Variants in ACTR3B observed in about 807,000 individuals in gnomAD.
The protein encoded by ACTR3B is actin-related protein 3B.
In ACTR3B, 8 loss-of-function variants were observed where a neutral mutation model predicts 59.0. That is an observed-to-expected ratio of 0.14 (90% CI 0.08 to 0.24). The LOEUF (loss-of-function observed/expected upper bound fraction) is 0.24, where lower values mean the gene tolerates loss of function less well. ACTR3B is among the 10% of genes least tolerant of loss of function. The pLI is 1.00. For missense variants in ACTR3B, 245 were observed against 552.3 expected (o/e 0.44, Z 5.58); for synonymous variants, 148 against 197.9 (o/e 0.75, Z 2.12).
chr7:152,824,855 C>T lies in ACTR3B; in HGVS notation c.859-175C>T, dbSNP rs983732290. Among the ~76,000 whole-genome samples the T allele has an allele frequency of 3.3e-5, 5 of 152,196 alleles. No homozygotes were observed. The highest frequency in any genetic ancestry group is 7.3e-5 in the Non-Finnish European group (5 of 68,028). On this transcript the variant is annotated intron_variant, in intron 8 of 11. Coordinates refer to ENST00000256001, the MANE Select transcript of ACTR3B (RefSeq NM_020445.6). This position sits in a 1 kb window ranked among gnomAD's most constrained non-coding sequence, Gnocchi z 4.2. ...CCTCATGAGGAGAAATGTGTCATCA[C>T]CGCTCCACGCACTTGTAGTCACATG...
intron 9 of ACTR3B, among the ~76,000 whole-genome samples, chr7:152,832,071 C>T (rs1442041392): frequency 6.6e-6 from 1 of 152,090 alleles, no homozygotes; most frequent in African/African-American, 2.4e-5. Context: ...CACGCGGAGG[C>T]AGGACAGTGC....
At position 152,854,373 on chromosome 7, in the gene ACTR3B, G is replaced by C; in HGVS notation, c.1162-85G>C. ...GAGGGAGGGTGGAGGCCGGGATGAG[G>C]AGAGTGTCTTGCCTGCTTGGTAGCT... On this transcript the variant is annotated intron_variant, in intron 11 of 11. Transcript: ENST00000256001. This position sits in a 1 kb window ranked among gnomAD's most constrained non-coding sequence, Gnocchi z 4.9. 8.0e-7 allele frequency: 1 copy of C among 1,244,906 alleles called. No homozygotes were observed. The highest frequency in any genetic ancestry group is 1.2e-6 in the Non-Finnish European group (1 of 846,974). 77.1% of individuals were successfully genotyped at this position (1,244,906 alleles called of 1,614,324 possible).
chr7:152,849,384 C>T (rs977379677), intron 9 of ACTR3B, among the ~76,000 whole-genome samples: 1 of 152,160 alleles, frequency 6.6e-6, no homozygotes, highest in African/African-American at 2.4e-5. Flanking sequence ...TGAAGGGTGG[C>T]CTCAGAACCG....
chr7:152,852,022 C>T (rs6944646), intron 9 of ACTR3B, 104 bp from the exon 10 acceptor site: 886,724 of 1,477,688 alleles, frequency 0.6, 270,704 homozygotes, highest in Admixed American at 0.7. Flanking sequence ...GCCGATGTGT[C>T]GTGCCCACAA....
At chr7:152,788,767 T>C (rs2098183433) in intron 2 of ACTR3B, among the ~76,000 whole-genome samples, 1 of 152,120 alleles carries the variant, frequency 6.6e-6, no homozygotes, top group East Asian at 1.9e-4. Context: ...ACACCTGTAA[T>C]TCCAGCATTT....
intron 2 of ACTR3B, among the ~76,000 whole-genome samples, chr7:152,789,023 A>AAACAACAACAACAAC (rs71182042): frequency 3.4e-5 from 5 of 146,442 alleles, no homozygotes; most frequent in African/African-American, 1.3e-4. Context: ...CGCTGTCTCA[A>AAACAACAACAACAAC]AACAACAACA....
At chr7:152,834,444 G>A (rs184338771) in intron 9 of ACTR3B, among the ~76,000 whole-genome samples, 110 of 152,324 alleles carry the variant, frequency 7.2e-4, no homozygotes, top group African/African-American at 2.5e-3. Context: ...GTGAGCCACC[G>A]CGCCCGGTTG....
chr7:152,792,335 G>T (rs190795754), intron 2 of ACTR3B, among the ~76,000 whole-genome samples: 5,199 of 152,114 alleles, frequency 0.034, 131 homozygotes, highest in Non-Finnish European at 0.054. Context: ...CCATATTTTT[G>T]CTCTTTCCAT....
chr7:152,810,969 C>G (rs192384463), intron 4 of ACTR3B: 1 of 151,256 alleles, frequency 6.6e-6, no homozygotes. Context: ...AAAATGTATA[C>G]GGAATGGAGA....
At chr7:152,827,486 T>G (rs527282149) in intron 9 of ACTR3B, among the ~76,000 whole-genome samples, 2 of 151,340 alleles carry the variant, frequency 1.3e-5, no homozygotes, top group African/African-American at 4.9e-5. Flanking sequence ...TAAGTTAGAG[T>G]AGACCAGAAT....
In ACTR3B at chr7:152,783,696, A is replaced by G. The variant is rs867679712; in HGVS notation, c.100+454A>G. Among the ~76,000 whole-genome samples, 89 of 147,702 alleles carry G rather than the reference A, an allele frequency of 6.0e-4. 1 individual carries two copies. Among genetic ancestry groups the G allele is most frequent in the African/African-American group, 1.9e-3 (75 of 38,800 alleles). On this transcript the variant is annotated intron_variant, in intron 2 of 11. Coordinates refer to ENST00000256001, the MANE Select transcript of ACTR3B (RefSeq NM_020445.6). ...TTCTGTTTTTGTTTAAGTTTTAATCAGTAGAGAATAACAGAAGTGTCCTTG... is the reference window on the plus strand; with the variant it reads ...TTCTGTTTTTGTTTAAGTTTTAATCGGTAGAGAATAACAGAAGTGTCCTTG...
intron 2 of ACTR3B, among the ~76,000 whole-genome samples, chr7:152,792,385 T>G (rs1233318521): frequency 6.6e-6 from 1 of 152,162 alleles, no homozygotes; most frequent in African/African-American, 2.4e-5. Flanking sequence ...ATTCCTTCTT[T>G]TATCATTTCT....
At chr7:152,769,885 G>T (rs1590199877) in intron 1 of ACTR3B, among the ~76,000 whole-genome samples, 2 of 141,758 alleles carry the variant, frequency 1.4e-5, no homozygotes, top group African/African-American at 2.6e-5. Flanking sequence ...AAAAAAAAAA[G>T]CCTTTTACTT....
At position 152,759,866 on chromosome 7, in the gene ACTR3B, C is replaced by T. The variant is rs771544968; in HGVS notation, c.-17C>T. 3.8e-6 allele frequency: 5 copies of T among 1,303,804 alleles called. No homozygotes were observed. The highest frequency in any genetic ancestry group is 4.3e-5 in the South Asian group (2 of 46,664). The allele number at this position is 1,303,804 out of a possible 1,614,324, so 80.8% of individuals were successfully genotyped here. A position where few individuals can be genotyped will look rare whatever the true frequency, so the allele number is the denominator to read the frequency against. ...CTCTCGGGCTGCCGGCGGGGCCGAG[C>T]GCCGCGCGTCCCGAGCATGGCAGGC... On this transcript the variant is annotated 5_prime_UTR_variant, in exon 1 of 12. Transcript: ENST00000256001.
chr7:152,759,844 T>A lies in ACTR3B; in HGVS notation c.-39T>A. Reference sequence around the variant, plus strand: ...CGGAGCGGACGGCGACGGGGCGCTCTCGGGCTGCCGGCGGGGCCGAGCGCC... The same window carrying A: ...CGGAGCGGACGGCGACGGGGCGCTCACGGGCTGCCGGCGGGGCCGAGCGCC... On this transcript the variant is annotated 5_prime_UTR_variant, in exon 1 of 12. Transcript: ENST00000256001. The A allele has an allele frequency of 8.1e-7, 1 of 1,239,982 alleles. No homozygotes were observed. Among genetic ancestry groups the A allele is most frequent in the Non-Finnish European group, 1.0e-6 (1 of 989,078 alleles). The allele number at this position is 1,239,982 out of a possible 1,614,324, so 76.8% of individuals were successfully genotyped here.
chr7:152,828,732 A>G (rs569658426), intron 9 of ACTR3B, among the ~76,000 whole-genome samples: 1 of 152,196 alleles, frequency 6.6e-6, no homozygotes, highest in African/African-American at 2.4e-5. Context: ...CTTGCCGGGT[A>G]AGACGCTCAC....
At position 152,852,209 on chromosome 7, in the gene ACTR3B, T is replaced by C; in HGVS notation, c.1035T>C (p.Ala345=). 2.5e-6 allele frequency: 4 copies of C among 1,613,970 alleles called. No homozygotes were observed. Among genetic ancestry groups the C allele is most frequent in the Non-Finnish European group, 3.4e-6 (4 of 1,179,988 alleles). Residue 345 remains alanine, a synonymous_variant, in exon 10 of 12, where the codon GCT becomes GCC. Coordinates refer to ENST00000256001, the MANE Select transcript of ACTR3B (RefSeq NM_020445.6). ...LQRDLKRVVD[A]RLRLSEELSG... ...GGGATTTGAAGAGAGTGGTGGATGC[T>C]AGGCTGAGGCTCAGCGAGGAGCTCA...
chr7:152,827,012 C>T (rs9791464), intron 9 of ACTR3B, among the ~76,000 whole-genome samples: 1 of 149,174 alleles, frequency 6.7e-6, no homozygotes, highest in Non-Finnish European at 1.5e-5. Flanking sequence ...GAGGATTCTT[C>T]TTTTTGTTGC....
chr7:152,774,563 T>C (rs2098132042), intron 1 of ACTR3B, among the ~76,000 whole-genome samples: 1 of 152,158 alleles, frequency 6.6e-6, no homozygotes, highest in Non-Finnish European at 1.5e-5. Flanking sequence ...GTTAAAACAC[T>C]TTTAAAACAC....
Sources: allele counts gnomAD v4.1 joint callset (sites outside exome capture counted in the v4.1 genomes callset), GRCh38; gene constraint gnomAD v4.1.1; non-coding constraint Gnocchi (gnomAD v3.1); transcripts MANE v1.5; gene names NCBI Gene and HGNC (gene_info 2026-07-23, HGNC 2026-07-21).